NOL4: variants seen among roughly 807,000 people sequenced by gnomAD.
NOL4 encodes the protein nucleolar protein 4.
A neutral mutation model predicts 75.9 loss-of-function variants in NOL4; 17 were observed. The observed-to-expected ratio is 0.22, with a 90% confidence interval of 0.15 to 0.34. The LOEUF (loss-of-function observed/expected upper bound fraction) is 0.34, where lower values mean the gene tolerates loss of function less well. NOL4 is among the 10% of genes least tolerant of loss of function. The pLI, the probability that NOL4 is intolerant of heterozygous loss-of-function variation, is 1.00. For synonymous variants in NOL4, 292 were observed against 289.9 expected, an observed-to-expected ratio of 1.01 and a Z score of -0.07; for missense variants, 614 against 793.5, an observed-to-expected ratio of 0.77 and a Z score of 2.72.
chr18:34,100,781 TTGG>T (rs1451341485), intron 4 of NOL4, among the ~76,000 whole-genome samples: 3 of 152,180 alleles, frequency 2.0e-5, no homozygotes, highest in Non-Finnish European at 1.5e-5. Context: ...CCGATGATGC[TTGG>T]CCTTATGTCT....
At chr18:34,163,789 C>G (rs1179461026) in intron 1 of NOL4, among the ~76,000 whole-genome samples, 2 of 152,116 alleles carry the variant, frequency 1.3e-5, no homozygotes, top group African/African-American at 4.8e-5. Context: ...CCAAGTCAAT[C>G]CTAAGCCAAA....
intron 1 of NOL4, among the ~76,000 whole-genome samples, chr18:34,163,370 G>GA (rs1192099750): frequency 1.3e-5 from 2 of 151,590 alleles, no homozygotes; most frequent in Non-Finnish European, 2.9e-5. Context: ...ATCTCCTTAA[G>GA]CTGATAGGCA....
chr18:33,981,860 A>G (rs1342109813), intron 6 of NOL4, among the ~76,000 whole-genome samples: 1 of 152,098 alleles, frequency 6.6e-6, no homozygotes, highest in Admixed American at 6.6e-5. Context: ...CAATAACCAT[A>G]GTTTATCTAT....
chr18:34,209,598 T>C (rs1294557282), intron 1 of NOL4, among the ~76,000 whole-genome samples: 1 of 152,164 alleles, frequency 6.6e-6, no homozygotes, highest in African/African-American at 2.4e-5. Flanking sequence ...ATTATATTTT[T>C]GGAGGTCTCA....
intron 1 of NOL4, among the ~76,000 whole-genome samples, chr18:34,146,012 G>A (rs1248069649): frequency 6.6e-6 from 1 of 151,920 alleles, no homozygotes; most frequent in African/African-American, 2.4e-5. Flanking sequence ...TTACTAGTTG[G>A]CCAATCCCCA....
chr18:34,195,034 A>C (rs1442528398), intron 1 of NOL4, among the ~76,000 whole-genome samples: 1 of 151,792 alleles, frequency 6.6e-6, no homozygotes, highest in Non-Finnish European at 1.5e-5. Flanking sequence ...GTCTCAAAAA[A>C]AAAAAAGAAA....
chr18:34,115,812 C>T (rs1203350086), intron 2 of NOL4, among the ~76,000 whole-genome samples: 1 of 152,128 alleles, frequency 6.6e-6, no homozygotes, highest in Non-Finnish European at 1.5e-5. Context: ...TGTCCACGTT[C>T]TTGATTTCCT....
At chr18:33,961,914 A>G (rs2145778513) in intron 6 of NOL4, among the ~76,000 whole-genome samples, 1 of 152,268 alleles carries the variant, frequency 6.6e-6, no homozygotes, top group Non-Finnish European at 1.5e-5. Context: ...ATTAACTTCT[A>G]TAATTGTGTC....
intron 9 of NOL4, among the ~76,000 whole-genome samples, chr18:33,889,601 C>A (rs2064977067): frequency 6.6e-6 from 1 of 152,066 alleles, no homozygotes; most frequent in Admixed American, 6.6e-5. Context: ...GAATTTTAGG[C>A]CAATATCCCT....
At chr18:34,123,170 A>G (rs1043247805) in intron 2 of NOL4, among the ~76,000 whole-genome samples, 1 of 151,418 alleles carries the variant, frequency 6.6e-6, no homozygotes, top group African/African-American at 2.4e-5. Context: ...CTGAATCTTA[A>G]CAGATTTGCA....
intron 5 of NOL4, among the ~76,000 whole-genome samples, chr18:34,051,416 ATTTC>A (rs1568276433): frequency 6.6e-6 from 1 of 152,128 alleles, no homozygotes; most frequent in Admixed American, 6.6e-5. Context: ...AATTTTAAAT[ATTTC>A]TTGTTCTTTT....
chr18:34,124,229 A>T (rs962968310), intron 2 of NOL4, among the ~76,000 whole-genome samples: 4 of 152,216 alleles, frequency 2.6e-5, no homozygotes, highest in Non-Finnish European at 5.9e-5. Context: ...AGATTTTCTT[A>T]GCCCCTCTGC....
At chr18:33,946,458 C>T (rs1376601415) in intron 8 of NOL4, among the ~76,000 whole-genome samples, 2 of 151,678 alleles carry the variant, frequency 1.3e-5, no homozygotes, top group Admixed American at 6.6e-5. Flanking sequence ...ATGCAACTTG[C>T]TCACAATTAT....
intron 10 of NOL4, among the ~76,000 whole-genome samples, chr18:33,878,301 G>A (rs1335633958): frequency 6.6e-6 from 1 of 151,978 alleles, no homozygotes; most frequent in Non-Finnish European, 1.5e-5. Flanking sequence ...TCTCACTTGT[G>A]TATTATTCTT....
intron 1 of NOL4, among the ~76,000 whole-genome samples, chr18:34,142,035 C>T (rs1005127389): frequency 4.6e-5 from 7 of 152,304 alleles, no homozygotes; most frequent in Admixed American, 2.0e-4. Context: ...TGAACAGACA[C>T]TTCTCAAAAG....
chr18:34,016,079 T>C (rs2074675932), intron 6 of NOL4, among the ~76,000 whole-genome samples: 1 of 152,114 alleles, frequency 6.6e-6, no homozygotes, highest in African/African-American at 2.4e-5. Flanking sequence ...ATTCATATTG[T>C]AGGCTATGTG....
intron 6 of NOL4, among the ~76,000 whole-genome samples, chr18:33,968,988 C>T (rs1334078342): frequency 6.6e-6 from 1 of 152,034 alleles, no homozygotes; most frequent in Non-Finnish European, 1.5e-5. Flanking sequence ...ATGTTTTTTA[C>T]TGTTCAAATT....
rs190000381 is a variant in NOL4 at position 34,217,318 on chromosome 18, T to C, written c.264+5672A>G. Among the ~76,000 whole-genome samples, 215 of 152,212 alleles carry C rather than the reference T, an allele frequency of 1.4e-3. 2 individuals are homozygous for C. Among genetic ancestry groups the C allele is most frequent in the Admixed American group, 0.013 (205 of 15,284 alleles). ...TATTTTTTTTGAGATGGAGTCTCACTCTGTTGCCCAGGCTGGAGTGCAATG... is the reference window on the plus strand; with the variant it reads ...TATTTTTTTTGAGATGGAGTCTCACCCTGTTGCCCAGGCTGGAGTGCAATG... On this transcript the variant is annotated intron_variant, in intron 1 of 10. Transcript: ENST00000261592.
intron 5 of NOL4, among the ~76,000 whole-genome samples, chr18:34,056,354 C>T (rs2076833335): frequency 6.6e-6 from 1 of 152,118 alleles, no homozygotes; most frequent in Non-Finnish European, 1.5e-5. Flanking sequence ...GGATGTTTCT[C>T]CTCTGGGCTC....
Sources: allele counts gnomAD v4.1 joint callset (sites outside exome capture counted in the v4.1 genomes callset), GRCh38; gene constraint gnomAD v4.1.1; transcripts MANE v1.5; gene names NCBI Gene and HGNC (gene_info 2026-07-23, HGNC 2026-07-21).